Variants in ABI1 observed in about 807,000 individuals in gnomAD.
ABI1 encodes Abelson interactor 1.
A neutral mutation model predicts 54.6 loss-of-function variants in ABI1; 14 were observed. The ratio of observed to expected loss-of-function variants is 0.26; its 90% CI spans 0.17 to 0.40. The LOEUF (loss-of-function observed/expected upper bound fraction) is 0.40, where lower values mean the gene tolerates loss of function less well. ABI1 is among the 10% of genes least tolerant of loss of function. The pLI, the probability that ABI1 is intolerant of heterozygous loss-of-function variation, is 1.00. For missense variants in ABI1, 443 were observed against 598.3 expected (o/e 0.74, Z 2.71); for synonymous variants, 194 against 209.3 (o/e 0.93, Z 0.63).
rs866117150 is a variant in ABI1 at position 26,760,163 on chromosome 10, T to C, written c.821-925A>G. 4.6e-5 allele frequency among the ~76,000 whole-genome samples: 7 copies of C among 152,246 alleles called. No homozygotes were observed. The South Asian group carries it at 1.2e-3, about 27-fold the overall frequency. ...TGATGAAAATATTAATACTTAACAT[T>C]GTATTAAGTGTCATCTTTCCCAACA... On this transcript the variant is annotated intron_variant, in intron 7 of 10. Transcript: ENST00000376140.
At chr10:26,808,360 A>G (rs1247805127) in intron 2 of ABI1, among the ~76,000 whole-genome samples, 1 of 152,198 alleles carries the variant, frequency 6.6e-6, no homozygotes, top group Non-Finnish European at 1.5e-5. Flanking sequence ...CTAAAAATAA[A>G]TAATATTCTG....
chr10:26,834,371 A>C (rs2048887210), intron 1 of ABI1, among the ~76,000 whole-genome samples: 1 of 152,202 alleles, frequency 6.6e-6, no homozygotes, highest in South Asian at 2.1e-4. Flanking sequence ...GAAAGGAAAC[A>C]ATCAACAAAG....
intron 1 of ABI1, among the ~76,000 whole-genome samples, chr10:26,841,626 T>G (rs903810471): frequency 1.3e-5 from 2 of 151,290 alleles, no homozygotes; most frequent in African/African-American, 4.9e-5. Context: ...CACTCTTTTA[T>G]TCACTCTGTA....
chr10:26,829,158 G>A (rs1021714513), intron 1 of ABI1, among the ~76,000 whole-genome samples: 16 of 151,732 alleles, frequency 1.1e-4, no homozygotes, highest in African/African-American at 2.2e-4. Context: ...CCTGGGAGAC[G>A]GAGCTTGCAG....
At chr10:26,819,217 C>G (rs970433325) in intron 2 of ABI1, among the ~76,000 whole-genome samples, 1 of 151,796 alleles carries the variant, frequency 6.6e-6, no homozygotes, top group Admixed American at 6.6e-5. Flanking sequence ...AGCACCCCCC[C>G]CAAAAAAAAT....
chr10:26,851,551 G>C (rs1054597632), intron 1 of ABI1, among the ~76,000 whole-genome samples: 1 of 151,882 alleles, frequency 6.6e-6, no homozygotes, highest in African/African-American at 2.4e-5. Flanking sequence ...TACTAGATGA[G>C]TATATGAAGT....
intron 2 of ABI1, among the ~76,000 whole-genome samples, chr10:26,809,380 A>C (rs2047078106): frequency 1.3e-5 from 2 of 151,478 alleles, no homozygotes; most frequent in Admixed American, 6.6e-5. Flanking sequence ...AAACATAGTG[A>C]GACCCCATCT....
chr10:26,846,342 CT>C (rs139282236), intron 1 of ABI1, among the ~76,000 whole-genome samples: 1,628 of 139,426 alleles, frequency 0.012, 29 homozygotes, highest in African/African-American at 0.039. Flanking sequence ...TTTCTCTTTT[CT>C]TTTTTTTTTT....
chr10:26,790,628 G>C (rs150997958), intron 2 of ABI1: 26 of 152,220 alleles, frequency 1.7e-4, no homozygotes, highest in Admixed American at 5.9e-4. Context: ...TTTAGTGTAC[G>C]TGCTGCAGAA....
chr10:26,788,576 T>C (rs1477877045), intron 2 of ABI1, among the ~76,000 whole-genome samples: 2 of 152,190 alleles, frequency 1.3e-5, no homozygotes, highest in Non-Finnish European at 2.9e-5. Flanking sequence ...GGCAATACAA[T>C]TTTTAAGAAC....
intron 7 of ABI1, among the ~76,000 whole-genome samples, chr10:26,759,648 G>A (rs1209237606): frequency 6.6e-6 from 1 of 152,018 alleles, no homozygotes; most frequent in East Asian, 1.9e-4. Flanking sequence ...GTAGATTCAT[G>A]TCTGAGTTAC....
chr10:26,762,347 C>G (rs1839345553), intron 7 of ABI1, among the ~76,000 whole-genome samples: 1 of 152,152 alleles, frequency 6.6e-6, no homozygotes, highest in Non-Finnish European at 1.5e-5. Flanking sequence ...ATTATAACAG[C>G]AGAAACTCCC....
At chr10:26,774,905 A>G (rs1841192507) in intron 3 of ABI1, among the ~76,000 whole-genome samples, 1 of 152,076 alleles carries the variant, frequency 6.6e-6, no homozygotes, top group South Asian at 2.1e-4. Flanking sequence ...CAATATGAGT[A>G]AATATTTGCC....
At chr10:26,823,096 GT>G (rs559638301) in intron 2 of ABI1, 41 bp downstream of exon 2, 23 of 1,516,860 alleles carry the variant, frequency 1.5e-5, no homozygotes, top group East Asian at 2.5e-5. Context: ...ATATGCTGTA[GT>G]TTTTTTTAAA....
At chr10:26,754,245 A>C (rs940382091) in intron 9 of ABI1, among the ~76,000 whole-genome samples, 3 of 152,070 alleles carry the variant, frequency 2.0e-5, no homozygotes, top group Admixed American at 2.0e-4. Context: ...GACGTCCTGG[A>C]CTCAAATGAT....
chr10:26,851,073 A>G (rs1481674974), intron 1 of ABI1, among the ~76,000 whole-genome samples: 4 of 139,606 alleles, frequency 2.9e-5, no homozygotes, highest in African/African-American at 1.1e-4. Flanking sequence ...CAGAGAAAAA[A>G]AGCACATGAG....
At chr10:26,754,719 T>C (rs1003994538) in intron 9 of ABI1, among the ~76,000 whole-genome samples, 2 of 152,198 alleles carry the variant, frequency 1.3e-5, no homozygotes, top group Non-Finnish European at 2.9e-5. Flanking sequence ...TGAGATTTAT[T>C]TTCATGGTGA....
At chr10:26,789,457 C>G (rs887664548) in intron 2 of ABI1, among the ~76,000 whole-genome samples, 1 of 152,104 alleles carries the variant, frequency 6.6e-6, no homozygotes, top group South Asian at 2.1e-4. Context: ...AGACGTATAA[C>G]AAATGATGGT....
chr10:26,827,599 T>TG (rs571285683), intron 1 of ABI1, among the ~76,000 whole-genome samples: 199 of 149,800 alleles, frequency 1.3e-3, no homozygotes, highest in African/African-American at 4.6e-3. Context: ...GTTTTTTGTT[T>TG]TTTTTTTTTT....
Sources: gnomAD v4.1 joint callset for allele counts (sites outside exome capture counted in the v4.1 genomes callset) on GRCh38, gnomAD v4.1.1 for gene constraint, MANE v1.5 for transcripts, NCBI Gene and HGNC (gene_info 2026-07-23, HGNC 2026-07-21) for gene names.